Variants in SLC45A4 observed in about 807,000 individuals in gnomAD.
SLC45A4 encodes polyamine-transporter SLC45A4.
SLC45A4 carries 32 observed loss-of-function variants against 63.7 expected under a neutral mutation model. That is an observed-to-expected ratio of 0.50 (90% CI 0.38 to 0.67). The LOEUF (loss-of-function observed/expected upper bound fraction) is 0.67. Among genes scored for constraint, SLC45A4 ranks in the 30% least tolerant of loss-of-function variants. The probability of loss-of-function intolerance (pLI) is 0.00; values close to 1 mark genes in which losing one functional copy is unlikely to be tolerated. For synonymous variants in SLC45A4, 535 were observed against 510.0 expected, an observed-to-expected ratio of 1.05 and a Z score of -0.66; for missense variants, 1,027 against 1,157.7, an observed-to-expected ratio of 0.89 and a Z score of 1.64.
rs60248039 is a variant in SLC45A4 at position 141,287,128 on chromosome 8, G to A, written c.-401+20968C>T. On this transcript the variant is annotated intron_variant, in intron 1 of 8. Transcript: ENST00000517878. Reference sequence around the variant, plus strand: ...TTCCCGGTTCCTTCCACTTCTACACGCTTTCATTCTACAACTGAAAACCAC... The same window carrying A: ...TTCCCGGTTCCTTCCACTTCTACACACTTTCATTCTACAACTGAAAACCAC... Among the ~76,000 whole-genome samples the A allele has an allele frequency of 2.4e-4, 37 of 152,234 alleles. No individual in the cohort carries two copies. The East Asian group carries it at 5.4e-3, about 22-fold the overall frequency.
At chr8:141,277,527 G>A (rs1217379861) in intron 1 of SLC45A4, among the ~76,000 whole-genome samples, 1 of 151,876 alleles carries the variant, frequency 6.6e-6, no homozygotes, top group South Asian at 2.1e-4. Context: ...TATCACAGAC[G>A]TGATAAAATC....
chr8:141,296,891 T>C (rs997890349), intron 1 of SLC45A4, among the ~76,000 whole-genome samples: 1 of 147,746 alleles, frequency 6.8e-6, no homozygotes, highest in Non-Finnish European at 1.5e-5. Flanking sequence ...CTTTATCATA[T>C]GAAGACAGAG....
chr8:141,293,325 G>T (rs1374775246), intron 1 of SLC45A4, among the ~76,000 whole-genome samples: 1 of 151,952 alleles, frequency 6.6e-6, no homozygotes, highest in East Asian at 1.9e-4. Context: ...GTGGTGGCAG[G>T]TGCCTGTAAT....
intron 7 of SLC45A4, among the ~76,000 whole-genome samples, chr8:141,214,994 C>T (rs141284638): frequency 9.3e-4 from 142 of 152,332 alleles, no homozygotes; most frequent in African/African-American, 3.3e-3. Flanking sequence ...CTACCTGTGA[C>T]GGCCCCAACC....
At chr8:141,240,218 T>A (rs1827843226) in intron 2 of SLC45A4, among the ~76,000 whole-genome samples, 1 of 152,254 alleles carries the variant, frequency 6.6e-6, no homozygotes, top group Non-Finnish European at 1.5e-5. Context: ...TTATTCATTC[T>A]CGGATGTTCT....
chr8:141,289,743 T>C (rs1830279151), intron 1 of SLC45A4, among the ~76,000 whole-genome samples: 2 of 152,164 alleles, frequency 1.3e-5, no homozygotes, highest in East Asian at 1.9e-4. Context: ...CAGGGAGGCC[T>C]GGAGTGAGGG....
Position 141,207,311 on chromosome 8 carries a change from G to A in SLC45A4, c.*4261C>T, listed in dbSNP as rs1825569345. The stretch of plus-strand genomic sequence containing the variant: ...CAGAGGGGCGCGGACAGCAGCGCAT[G>A]CCACAAACATTCACCTGGCAAAGAA... On this transcript the variant is annotated 3_prime_UTR_variant, in exon 9 of 9. Coordinates refer to ENST00000517878, the MANE Select transcript of SLC45A4 (RefSeq NM_001286646.2). The A allele has an allele frequency of 6.6e-6, 1 of 152,356 alleles. No homozygotes were observed. Among genetic ancestry groups the A allele is most frequent in the Non-Finnish European group, 1.5e-5 (1 of 68,150 alleles). The allele number at this position is 152,356 out of a possible 1,614,324, so 9.4% of individuals were successfully genotyped here. A position where few individuals can be genotyped will look rare whatever the true frequency, so the allele number is the denominator to read the frequency against.
chr8:141,289,685 G>A (rs990095072), intron 1 of SLC45A4, among the ~76,000 whole-genome samples: 1 of 152,166 alleles, frequency 6.6e-6, no homozygotes, highest in Non-Finnish European at 1.5e-5. Context: ...AGGGGCCAGA[G>A]GGACCTTCAG....
At chr8:141,272,341 C>T (rs572218464) in intron 1 of SLC45A4, among the ~76,000 whole-genome samples, 248 of 152,336 alleles carry the variant, frequency 1.6e-3, no homozygotes, top group African/African-American at 5.7e-3. Flanking sequence ...CCAGCTCACG[C>T]GCTACGGCTG....
At chr8:141,244,353 G>A (rs921493031) in intron 2 of SLC45A4, among the ~76,000 whole-genome samples, 4 of 152,196 alleles carry the variant, frequency 2.6e-5, no homozygotes, top group Non-Finnish European at 5.9e-5. Context: ...TTCTGACCTG[G>A]GACAGGAGCA....
intron 1 of SLC45A4, among the ~76,000 whole-genome samples, chr8:141,305,945 G>T (rs1046808454): frequency 6.6e-6 from 1 of 152,228 alleles, no homozygotes; most frequent in East Asian, 1.9e-4. Context: ...GATCTGCGGG[G>T]CGGGCTGGGG....
At chr8:141,271,653 G>C (rs1829526337) in intron 1 of SLC45A4, among the ~76,000 whole-genome samples, 1 of 152,130 alleles carries the variant, frequency 6.6e-6, no homozygotes, top group Admixed American at 6.5e-5. Context: ...ACCAGACACC[G>C]TTCTATCCCC....
chr8:141,214,041 C>T (rs1363784762), intron 7 of SLC45A4, among the ~76,000 whole-genome samples: 1 of 151,962 alleles, frequency 6.6e-6, no homozygotes, highest in African/African-American at 2.4e-5. Context: ...ACTGTCGTCT[C>T]TACTAAAAAT....
intron 1 of SLC45A4, among the ~76,000 whole-genome samples, chr8:141,307,139 C>T (rs1004468239): frequency 2.0e-5 from 3 of 152,134 alleles, no homozygotes; most frequent in African/African-American, 7.2e-5. Context: ...GAATAGCTAA[C>T]CAGGAGGCTG....
rs1419090337 is a variant in SLC45A4 at position 141,221,785 on chromosome 8, C to T, written c.242-20G>A. On this transcript the variant is annotated intron_variant, in intron 2 of 8. Coordinates refer to ENST00000517878, the MANE Select transcript of SLC45A4 (RefSeq NM_001286646.2). The stretch of plus-strand genomic sequence containing the variant: ...GAAGGCCTGCAAGGGACACGAGGGC[C>T]GTCGCACACGCAGGCACTGGCCGGG... 5.6e-6 allele frequency: 9 copies of T among 1,605,704 alleles called. No homozygotes were observed. Among genetic ancestry groups the T allele is most frequent in the Admixed American group, 3.4e-5 (2 of 59,070 alleles).
chr8:141,292,974 AC>A (rs373689738), intron 1 of SLC45A4: 2 of 151,870 alleles, frequency 1.3e-5, no homozygotes, highest in Admixed American at 1.3e-4. Flanking sequence ...GGGCCTACAT[AC>A]CCCCTAGGGC....
chr8:141,262,647 A>G (rs1322042562), intron 1 of SLC45A4, among the ~76,000 whole-genome samples: 3 of 152,010 alleles, frequency 2.0e-5, no homozygotes, highest in African/African-American at 7.2e-5. Context: ...GAGAAATGCA[A>G]ATCAAAACCA....
Position 141,254,681 on chromosome 8 carries a change from T to C in SLC45A4, c.-400-52A>G. ...AGAGAGTCAGGGGACGGCCACCAGATGGCCCTGTGGACCGCCGCCCGACCC... is the reference window on the plus strand; with the variant it reads ...AGAGAGTCAGGGGACGGCCACCAGACGGCCCTGTGGACCGCCGCCCGACCC... On this transcript the variant is annotated intron_variant, in intron 1 of 8. Transcript: ENST00000517878. This position sits in a 1 kb window ranked among gnomAD's most constrained non-coding sequence, Gnocchi z 4.5. 3 of 696,200 alleles carry C rather than the reference T, an allele frequency of 4.3e-6. No homozygotes were observed. The highest frequency in any genetic ancestry group is 2.7e-5 in the East Asian group (1 of 37,024). The allele number at this position is 696,200 out of a possible 1,614,324, so 43.1% of individuals were successfully genotyped here.
At chr8:141,292,699 A>C (rs1830394651) in intron 1 of SLC45A4, 1 of 152,704 alleles carries the variant, frequency 6.5e-6, no homozygotes, top group Non-Finnish European at 1.5e-5. Flanking sequence ...TGCAGGTGCC[A>C]CTTGCCGCCT....
Sources: gnomAD v4.1 joint callset for allele counts (sites outside exome capture counted in the v4.1 genomes callset) on GRCh38, gnomAD v4.1.1 for gene constraint, Gnocchi (gnomAD v3.1) non-coding constraint, MANE v1.5 for transcripts, NCBI Gene and HGNC (gene_info 2026-07-23, HGNC 2026-07-21) for gene names.